The following ARHGAP22 variants were observed in gnomAD, a reference collection of about 807,000 sequenced individuals.
ARHGAP22 encodes the protein Rho GTPase activating protein 22, also known as rho GTPase-activating protein 22.
Under a neutral mutation model 59.1 loss-of-function variants are expected in ARHGAP22, and 48 were observed. That is an observed-to-expected ratio of 0.81 (90% confidence interval 0.64 to 1.03). The LOEUF is 1.03. ARHGAP22 is among the 50% of genes least tolerant of loss of function. The probability of loss-of-function intolerance (pLI) is 0.00; values close to 1 mark genes in which losing one functional copy is unlikely to be tolerated. For missense variants in ARHGAP22, 1,015 were observed against 958.7 expected (o/e 1.06, Z -0.78); for synonymous variants, 445 against 416.4 (o/e 1.07, Z -0.84).
At chr10:48,595,046 C>G in intron 1 of ARHGAP22, among the ~76,000 whole-genome samples, 1 of 152,142 alleles carries the variant, frequency 6.6e-6, no homozygotes, top group Admixed American at 6.5e-5. Context: ...TAGACTTGTG[C>G]CTTTGAGCAG....
chr10:48,607,283 G>A (rs746359668), upstream of ARHGAP22, among the ~76,000 whole-genome samples: 9 of 152,190 alleles, frequency 5.9e-5, no homozygotes, highest in Non-Finnish European at 1.0e-4. Flanking sequence ...GTGTTCACTC[G>A]CCTGCTTTTC....
chr10:48,447,991 C>T (rs138657707), intron 9 of ARHGAP22, among the ~76,000 whole-genome samples: 2,144 of 152,142 alleles, frequency 0.014, 21 homozygotes, highest in Admixed American at 0.022. Context: ...GCCTAGACCC[C>T]CACACCTCCT....
chr10:48,534,112 C>A (rs2055124094), intron 3 of ARHGAP22, among the ~76,000 whole-genome samples: 1 of 152,232 alleles, frequency 6.6e-6, no homozygotes, highest in Admixed American at 6.5e-5. Context: ...TCTAGAAGTG[C>A]CGGCCAGCCA....
chr10:48,614,960 A>G (rs1430848080), intron 1 of ARHGAP22, among the ~76,000 whole-genome samples: 2 of 152,230 alleles, frequency 1.3e-5, no homozygotes, highest in African/African-American at 2.4e-5. Flanking sequence ...TTTTGTCAAA[A>G]ACATTTAGAG....
In ARHGAP22 at chr10:48,551,288, T is replaced by C. The variant is rs563288111; in HGVS notation, c.322+4175A>G. 6.0e-4 allele frequency among the ~76,000 whole-genome samples: 92 copies of C among 152,328 alleles called. 3 individuals are homozygous for C. In the South Asian group the frequency reaches 9.5e-3, roughly 16 times the overall value. On this transcript the variant is annotated intron_variant, in intron 3 of 9. Coordinates refer to ENST00000249601, the MANE Select transcript of ARHGAP22 (RefSeq NM_021226.4). The stretch of plus-strand genomic sequence containing the variant: ...CATCTTGCCTGTCTGCCCTGCACTA[T>C]GAGAATTCTAGAAAGTCTGAGGGCC...
At chr10:48,650,051 G>A (rs2062489235) in intron 1 of ARHGAP22, among the ~76,000 whole-genome samples, 1 of 151,618 alleles carries the variant, frequency 6.6e-6, no homozygotes, top group Non-Finnish European at 1.5e-5. Context: ...AGACCAGGAG[G>A]TGGCAGGTGG....
At position 48,450,388 on chromosome 10, in the gene ARHGAP22, C is replaced by T. The variant is rs2045796761; in HGVS notation, c.1741G>A (p.Glu581Lys). Reference protein sequence around the residue: ...DEAGAGASNSEPSEPDSPTRE... With the variant: ...DEAGAGASNSKPSEPDSPTRE... ...GTGGGGCTGTCCGGCTCGCTGGGCT[C>T]GCTGTTGCTGGCACCCGCGCCCGCC... The change falls in exon 9 of 10, where the codon GAG becomes AAG. Residue 581 changes from glutamate to lysine, a missense_variant. By Grantham distance (56) the Glu-to-Lys change is moderately conservative. Transcript: ENST00000249601. 1.3e-6 allele frequency: 2 copies of T among 1,575,026 alleles called. No homozygotes were observed. The highest frequency in any genetic ancestry group is 2.4e-5 in the East Asian group (1 of 42,384).
intron 1 of ARHGAP22, among the ~76,000 whole-genome samples, chr10:48,631,916 G>A (rs2061641769): frequency 6.6e-6 from 1 of 151,924 alleles, no homozygotes; most frequent in Non-Finnish European, 1.5e-5. Flanking sequence ...GAATACTCTT[G>A]GTTTTTGTTT....
intron 3 of ARHGAP22, among the ~76,000 whole-genome samples, chr10:48,490,016 A>T (rs951617263): frequency 6.6e-6 from 1 of 152,126 alleles, no homozygotes; most frequent in Non-Finnish European, 1.5e-5. Flanking sequence ...TACAGGTGTA[A>T]GCCACCACGC....
At chr10:48,548,007 G>T (rs1490723970) in intron 3 of ARHGAP22, among the ~76,000 whole-genome samples, 1 of 152,224 alleles carries the variant, frequency 6.6e-6, no homozygotes, top group Non-Finnish European at 1.5e-5. Flanking sequence ...TGGGAGGGCT[G>T]GTCCAGATGC....
At chr10:48,517,843 G>A (rs1052073237) in intron 3 of ARHGAP22, among the ~76,000 whole-genome samples, 2 of 152,152 alleles carry the variant, frequency 1.3e-5, no homozygotes, top group Admixed American at 6.5e-5. Flanking sequence ...AGAGATCATC[G>A]AGTTACGCTT....
At chr10:48,493,765 C>T (rs2050652654) in intron 3 of ARHGAP22, 2 of 841,576 alleles carry the variant, frequency 2.4e-6, no homozygotes, top group Admixed American at 3.6e-5. Flanking sequence ...GGTTGTTCTG[C>T]ATCCGCATCT....
intron 5 of ARHGAP22, among the ~76,000 whole-genome samples, chr10:48,458,759 C>T (rs2046834326): frequency 1.3e-5 from 2 of 152,206 alleles, no homozygotes; most frequent in Admixed American, 6.5e-5. Context: ...AGCGTCAACA[C>T]TGGGATGGAG....
intron 1 of ARHGAP22, among the ~76,000 whole-genome samples, chr10:48,616,184 C>T (rs1203150210): frequency 1.3e-5 from 2 of 152,078 alleles, no homozygotes; most frequent in African/African-American, 4.8e-5. Flanking sequence ...GTCTTGGTGT[C>T]AACATTTTTT....
intron 1 of ARHGAP22, among the ~76,000 whole-genome samples, chr10:48,614,701 A>C (rs1237526607): frequency 6.6e-6 from 1 of 152,212 alleles, no homozygotes; most frequent in African/African-American, 2.4e-5. Context: ...AGTCTCAGTA[A>C]GAACAGCAAG....
chr10:48,490,969 T>C (rs2050333941), intron 3 of ARHGAP22, among the ~76,000 whole-genome samples: 1 of 152,208 alleles, frequency 6.6e-6, no homozygotes, highest in Non-Finnish European at 1.5e-5. Context: ...AGAACATAGC[T>C]GCAATCTGGT....
chr10:48,481,737 C>T (rs2049343705), intron 3 of ARHGAP22, among the ~76,000 whole-genome samples: 1 of 152,194 alleles, frequency 6.6e-6, no homozygotes, highest in South Asian at 2.1e-4. Context: ...ACTTTCCCGC[C>T]AGCTGTGTAT....
At chr10:48,449,371 T>C (rs2045669940) in intron 9 of ARHGAP22, among the ~76,000 whole-genome samples, 1 of 152,192 alleles carries the variant, frequency 6.6e-6, no homozygotes, top group South Asian at 2.1e-4. Context: ...ACATGGTGCC[T>C]GTACATGCCT....
the ARHGAP22 span, among the ~76,000 whole-genome samples, chr10:48,439,894 C>A: frequency 6.6e-6 from 1 of 152,184 alleles, no homozygotes; most frequent in Non-Finnish European, 1.5e-5. Flanking sequence ...CCTGAACTCA[C>A]ACTGCCCTCC....
Sources: gnomAD v4.1 joint callset for allele counts (sites outside exome capture counted in the v4.1 genomes callset) on GRCh38, gnomAD v4.1.1 for gene constraint, MANE v1.5 for transcripts, NCBI Gene and HGNC (gene_info 2026-07-23, HGNC 2026-07-21) for gene names.